CA14: variants seen among roughly 807,000 people sequenced by gnomAD.
CA14 encodes carbonic anhydrase 14, also known as CA-XIV.
A neutral mutation model predicts 48.8 loss-of-function variants in CA14; 44 were observed. The observed-to-expected ratio is 0.90, with a 90% confidence interval of 0.71 to 1.16. CA14 has a LOEUF of 1.16. CA14 is among the 50% of genes most tolerant of loss of function. The pLI, the probability that CA14 is intolerant of heterozygous loss-of-function variation, is 0.00. For missense variants in CA14, 386 were observed against 401.0 expected (o/e 0.96, Z 0.32); for synonymous variants, 154 against 155.0 (o/e 0.99, Z 0.05).
Position 150,258,181 on chromosome 1 carries a change from G to C in CA14, c.53G>C (p.Gly18Ala), listed in dbSNP as rs782473526. The C allele has an allele frequency of 6.2e-7, 1 of 1,610,816 alleles. No individual in the cohort carries two copies. The highest frequency in any genetic ancestry group is 1.1e-5 in the South Asian group (1 of 90,650). The change falls in exon 1 of 11, where the codon GGG (glycine) becomes GCG (alanine). Residue 18 changes from glycine (G) to alanine (A), a missense_variant and splice_region_variant. Gly to Ala is a moderately conservative substitution (Grantham distance 60, BLOSUM62 0). Transcript: ENST00000369111. ...LEVIWILAADGGQHWTYEGPH... is the reference protein window; with the variant it reads ...LEVIWILAADAGQHWTYEGPH... ...GTGATTTGGATCCTGGCTGCAGATGGGGGTAGGTACAACTAAATGTCTGTG... is the reference window on the plus strand; with the variant it reads ...GTGATTTGGATCCTGGCTGCAGATGCGGGTAGGTACAACTAAATGTCTGTG...
At chr1:150,263,901 T>A in intron 10 of CA14, 23 bp downstream of exon 10, 14 of 1,256,904 alleles carry the variant, frequency 1.1e-5, no homozygotes, top group East Asian at 2.4e-5. Context: ...TTTCCATTCC[T>A]CCAGTCCCTT....
chr1:150,261,616 C>T lies in CA14; in HGVS notation c.234C>T (p.Asp78=), dbSNP rs1053855690. The change falls in exon 3 of 11, where the codon GAC becomes GAT. Residue 78 remains aspartate (D), a synonymous_variant. Coordinates refer to ENST00000369111, the MANE Select transcript of CA14 (RefSeq NM_012113.3). ...ACCAGCCTGGCACCGAGCCTTTGGACCTGCACAACAATGGCCACACAGGTA... is the reference window on the plus strand; with the variant it reads ...ACCAGCCTGGCACCGAGCCTTTGGATCTGCACAACAATGGCCACACAGGTA... ...GYDQPGTEPL[D]LHNNGHTVQL... 1 of 1,613,894 alleles carries T rather than the reference C, an allele frequency of 6.2e-7. No individual in the cohort carries two copies. Among genetic ancestry groups the T allele is most frequent in the African/African-American group, 1.3e-5 (1 of 74,904 alleles).
At position 150,262,844 on chromosome 1, in the gene CA14, G is replaced by A; in HGVS notation, c.536G>A (p.Ser179Asn). 1 of 1,613,424 alleles carries A rather than the reference G, an allele frequency of 6.2e-7. No homozygotes were observed. Among genetic ancestry groups the A allele is most frequent in the Non-Finnish European group, 8.5e-7 (1 of 1,179,370 alleles). ...TKNIAYEHILSHLHEVRHKDQ... is the reference protein window; with the variant it reads ...TKNIAYEHILNHLHEVRHKDQ... ...AATATAGCTTATGAACACATTCTGA[G>A]TCACTTGCATGAAGTCAGGCATAAA... Residue 179 changes from serine (S) to asparagine (N), a missense_variant, in exon 6 of 11, where the codon AGT (serine) becomes AAT (asparagine). By Grantham distance (46) the Ser-to-Asn change is conservative (BLOSUM62 1). Coordinates refer to ENST00000369111, the MANE Select transcript of CA14 (RefSeq NM_012113.3).
At chr1:150,262,081 C>A in intron 3 of CA14, 77 bp from the exon 4 acceptor site, 1 of 1,574,870 alleles carries the variant, frequency 6.3e-7, no homozygotes, top group South Asian at 1.1e-5. Flanking sequence ...CCAAGTCTCC[C>A]AAGAAGTGGT....
rs782631770 is a variant in CA14 at position 150,262,803 on chromosome 1, G to A, written c.496-1G>A. On this transcript the variant is annotated splice_acceptor_variant, in intron 5 of 10. Coordinates refer to ENST00000369111, the MANE Select transcript of CA14 (RefSeq NM_012113.3). LOFTEE classifies it high-confidence loss of function. ...ACTCTCTCCCTTTCCTTCTCTTCCA[G>A]GTGGGTGAGACTAAGAATATAGCTT... The A allele has an allele frequency of 1.2e-6, 2 of 1,606,952 alleles. No homozygotes were observed. The highest frequency in any genetic ancestry group is 1.7e-6 in the Non-Finnish European group (2 of 1,173,518).
At position 150,258,019 on chromosome 1, in the gene CA14, G is replaced by A; in HGVS notation, c.-110G>A. On this transcript the variant is annotated 5_prime_UTR_variant, in exon 1 of 11. Coordinates refer to ENST00000369111, the MANE Select transcript of CA14 (RefSeq NM_012113.3). ...AGAGATAAATACACTCACGCCAGGA[G>A]CTCGCTCGCTCTCTCTCTCTCTCTC... is the stretch of plus-strand genomic sequence containing the variant. The A allele has an allele frequency of 1.5e-6, 1 of 683,596 alleles. No homozygotes were observed. The highest frequency in any genetic ancestry group is 2.6e-5 in the South Asian group (1 of 38,008). The allele number at this position is 683,596 out of a possible 1,614,324, so 42.3% of individuals were successfully genotyped here.
chr1:150,263,319 A>C lies in CA14; in HGVS notation c.741A>C (p.Thr247=). 7 of 1,614,180 alleles carry C rather than the reference A, an allele frequency of 4.3e-6. No homozygotes were observed. The highest frequency in any genetic ancestry group is 5.9e-6 in the Non-Finnish European group (7 of 1,180,030). Residue 247 remains threonine (T), a synonymous_variant, in exon 8 of 11, where the codon ACA becomes ACC. Transcript: ENST00000369111. ...CTCAGCTGGAAAAGCTTCAGGGGAC[A>C]TTGTTCTCCACAGAAGAGGAGCCCT... is the stretch of plus-strand genomic sequence containing the variant. The part of the protein sequence containing the change: ...SMEQLEKLQG[T]LFSTEEEPSK...
intron 1 of CA14, among the ~76,000 whole-genome samples, chr1:150,258,937 G>A (rs1314743494): frequency 6.6e-6 from 1 of 152,078 alleles, no homozygotes; most frequent in African/African-American, 2.4e-5. Context: ...GAGAGCAGAA[G>A]GCAAATGCAG....
Position 150,258,112 on chromosome 1 carries a change from C to A in CA14, c.-17C>A. 2 of 1,604,498 alleles carry A rather than the reference C, an allele frequency of 1.2e-6. No homozygotes were observed. The highest frequency in any genetic ancestry group is 8.5e-7 in the Non-Finnish European group (1 of 1,173,932). ...GTCCTCAAATTCCCAGTCCCCTGCA[C>A]CCCTTCCTGGGACACTATGTTGTTC... is the stretch of plus-strand genomic sequence containing the variant. On this transcript the variant is annotated 5_prime_UTR_variant, in exon 1 of 11. Transcript: ENST00000369111.
At chr1:150,262,774 C>G (rs1553848190) in intron 5 of CA14, 30 bp from the exon 6 acceptor site, 1 of 1,562,318 alleles carries the variant, frequency 6.4e-7, no homozygotes, top group Admixed American at 1.7e-5. Flanking sequence ...TGGACTCATT[C>G]CAAACTCTCT....
rs782200788 is a variant in CA14, at chr1:150,258,082, C to T, written c.-47C>T. ...CCCTCTCTCTCTGCCTGTCCTAGTC[C>T]TCTAGTCCTCAAATTCCCAGTCCCC... On this transcript the variant is annotated 5_prime_UTR_variant, in exon 1 of 11. Transcript: ENST00000369111. The T allele has an allele frequency of 7.3e-6, 11 of 1,502,450 alleles. No individual in the cohort carries two copies. In the South Asian group the frequency reaches 1.2e-4, roughly 16 times the overall value. 93.1% of individuals were successfully genotyped at this position (1,502,450 alleles called of 1,614,324 possible).
chr1:150,259,570 A>T (rs1418351970), intron 1 of CA14, among the ~76,000 whole-genome samples: 2 of 152,082 alleles, frequency 1.3e-5, no homozygotes, highest in Non-Finnish European at 2.9e-5. Context: ...CCTCCTGGTG[A>T]TGAGGAGTTT....
chr1:150,259,956 T>C (rs1650854606), intron 1 of CA14, among the ~76,000 whole-genome samples, 195 bp from the exon 2 acceptor site: 1 of 152,200 alleles, frequency 6.6e-6, no homozygotes, highest in South Asian at 2.1e-4. Flanking sequence ...TGGCTGGTGA[T>C]TTTAAATAGG....
chr1:150,258,936 A>G (rs1355060662), intron 1 of CA14, among the ~76,000 whole-genome samples: 1 of 152,118 alleles, frequency 6.6e-6, no homozygotes, highest in Non-Finnish European at 1.5e-5. Flanking sequence ...AGAGAGCAGA[A>G]GGCAAATGCA....
chr1:150,261,778 G>A (rs1193707698), intron 3 of CA14, 140 bp downstream of exon 3: 3 of 749,214 alleles, frequency 4.0e-6, no homozygotes, highest in Non-Finnish European at 6.4e-6. Context: ...TCAAGATGTT[G>A]GCACATTACC....
chr1:150,264,482 T>C (rs368835182), intron 10 of CA14, 111 bp from the exon 11 acceptor site: 34 of 669,362 alleles, frequency 5.1e-5, no homozygotes, highest in Admixed American at 1.4e-4. Flanking sequence ...GGATTATAGG[T>C]GTGAAACACC....
chr1:150,262,151 C>T lies in CA14; in HGVS notation c.257-7C>T. The T allele has an allele frequency of 6.2e-7, 1 of 1,614,154 alleles. No homozygotes were observed. The highest frequency in any genetic ancestry group is 8.5e-7 in the Non-Finnish European group (1 of 1,180,002). Reference sequence around the variant, plus strand: ...CCACCAATCCGAGTTTGCTCTTTTCCTCACAGTGCAACTCTCTCTGCCCTC... The same window carrying T: ...CCACCAATCCGAGTTTGCTCTTTTCTTCACAGTGCAACTCTCTCTGCCCTC... On this transcript the variant is annotated splice_region_variant and splice_polypyrimidine_tract_variant and intron_variant, in intron 3 of 10. Transcript: ENST00000369111.
chr1:150,263,142 C>G lies in CA14; in HGVS notation c.663C>G (p.Cys221Trp). 1 of 1,614,168 alleles carries G rather than the reference C, an allele frequency of 6.2e-7. No homozygotes were observed. The highest frequency in any genetic ancestry group is 8.5e-7 in the Non-Finnish European group (1 of 1,180,012). ...ATGGCTCGCTCACAACTCCCCCTTG[C>G]TACCAGAGTGTGCTCTGGACAGTTT... ...RYNGSLTTPP[C>W]YQSVLWTVFY... The change falls in exon 7 of 11, where the codon TGC (cysteine) becomes TGG (tryptophan). Residue 221 changes from cysteine to tryptophan, a missense_variant. Physicochemically the swap from Cys to Trp is radical, Grantham distance 215 (BLOSUM62 -2). Coordinates refer to ENST00000369111, the MANE Select transcript of CA14 (RefSeq NM_012113.3).
At chr1:150,260,009 T>A in intron 1 of CA14, 142 bp from the exon 2 acceptor site, 1 of 795,458 alleles carries the variant, frequency 1.3e-6, no homozygotes, top group Non-Finnish European at 2.1e-6. Flanking sequence ...CAGGGCTTCC[T>A]TTGCAAAGTG....
Sources: allele counts gnomAD v4.1 joint callset (sites outside exome capture counted in the v4.1 genomes callset), GRCh38; gene constraint gnomAD v4.1.1; transcripts MANE v1.5; gene names NCBI Gene and HGNC (gene_info 2026-07-23, HGNC 2026-07-21).